The following ASMT variants were observed in gnomAD, a reference collection of about 807,000 sequenced individuals.
ASMT encodes the protein acetylserotonin O-methyltransferase.
ASMT carries 53 observed loss-of-function variants against 41.3 expected under a neutral mutation model. The observed-to-expected ratio is 1.28, with a 90% confidence interval of 1.03 to 1.61. The LOEUF (loss-of-function observed/expected upper bound fraction) is 1.61. Among genes scored for constraint, ASMT ranks in the 40% most tolerant of loss-of-function variants. The probability of loss-of-function intolerance (pLI) is 0.00; values close to 1 mark genes in which losing one functional copy is unlikely to be tolerated. For synonymous variants in ASMT, 231 were observed against 184.8 expected, an observed-to-expected ratio of 1.25 and a Z score of -2.03; for missense variants, 531 against 441.3, an observed-to-expected ratio of 1.20 and a Z score of -1.82.
intron 6 of ASMT, 85 bp from the exon 7 acceptor site, chrX:1,633,065 C>T (rs1425508700): frequency 1.3e-6 from 2 of 1,537,480 alleles, no homozygotes; most frequent in African/African-American, 2.7e-5. Flanking sequence ...TGGGTTGGAC[C>T]CTTCATGAGT....
chrX:1,624,626 C>A (rs1266922284), intron 3 of ASMT, among the ~76,000 whole-genome samples: 1 of 117,048 alleles, frequency 8.5e-6, no homozygotes, highest in Admixed American at 9.1e-5. Flanking sequence ...GTGGTGGCTG[C>A]ACCCAGGCAG....
chrX:1,629,331 G>A (rs1282898787), intron 4 of ASMT, among the ~76,000 whole-genome samples: 2 of 152,052 alleles, frequency 1.3e-5, no homozygotes, highest in Admixed American at 6.6e-5. Flanking sequence ...CTGTGGGGGG[G>A]GAGGAGCAGG....
chrX:1,636,702 G>C (rs1373620290), intron 8 of ASMT, 142 bp downstream of exon 8: 4 of 1,279,192 alleles, frequency 3.1e-6, no homozygotes, highest in South Asian at 1.2e-5. Flanking sequence ...TTTAGATAAC[G>C]ACCTGAAATA....
chrX:1,630,913 A>AT (rs202113145), intron 5 of ASMT, among the ~76,000 whole-genome samples: 2,696 of 136,088 alleles, frequency 0.02, 81 homozygotes, highest in African/African-American at 0.067. Context: ...GTATTTATTT[A>AT]TTTATTTTTT....
At chrX:1,630,836 G>A (rs1445020736) in intron 5 of ASMT, among the ~76,000 whole-genome samples, 1 of 151,876 alleles carries the variant, frequency 6.6e-6, no homozygotes, top group African/African-American at 2.4e-5. Flanking sequence ...GGGATTACAG[G>A]CGCCCGCCAC....
At chrX:1,626,385 C>T (rs1278162265) in intron 3 of ASMT, among the ~76,000 whole-genome samples, 2 of 151,978 alleles carry the variant, frequency 1.3e-5, no homozygotes, top group Non-Finnish European at 2.9e-5. Flanking sequence ...TAGGCATCCA[C>T]CACACCTGGC....
rs1201944720 is a variant in ASMT at position 1,642,932 on chromosome X, T to G, written c.1040T>G (p.Met347Arg). Residue 347 changes from methionine (M) to arginine (R), a missense_variant, in exon 9 of 9, where the codon ATG (methionine) becomes AGG (arginine). Coordinates refer to ENST00000381241, the MANE Select transcript of ASMT (RefSeq NM_001171038.2). ...GQERTPTHYH[M>R]LLSSAGFRDF... ...GAGAGGACCCCCACCCACTACCACA[T>G]GCTCCTCTCTTCTGCTGGCTTCAGA... is the stretch of plus-strand genomic sequence containing the variant. 6.2e-7 allele frequency: 1 copy of G among 1,614,014 alleles called. No individual in the cohort carries two copies. The highest frequency in any genetic ancestry group is 1.1e-5 in the South Asian group (1 of 91,080).
chrX:1,642,307 A>G, intron 8 of ASMT, among the ~76,000 whole-genome samples: 2 of 143,676 alleles, frequency 1.4e-5, no homozygotes, highest in South Asian at 2.2e-4. Flanking sequence ...TGTGAGGTCC[A>G]TACATCCTGA....
intron 8 of ASMT, among the ~76,000 whole-genome samples, chrX:1,636,960 A>G (rs113750243): frequency 3.9e-5 from 3 of 77,390 alleles, no homozygotes; most frequent in Admixed American, 3.6e-4. Context: ...AGGTCCATCC[A>G]TCCTGATGGC....
chrX:1,623,371 G>A (rs1460005698), intron 2 of ASMT, 58 bp downstream of exon 2: 4 of 1,598,050 alleles, frequency 2.5e-6, no homozygotes, highest in South Asian at 1.1e-5. Context: ...TGCAGCCCAC[G>A]TGTTCTGTAA....
intron 4 of ASMT, among the ~76,000 whole-genome samples, chrX:1,629,373 T>C (rs1389733243): frequency 6.6e-6 from 1 of 152,060 alleles, no homozygotes; most frequent in Non-Finnish European, 1.5e-5. Flanking sequence ...CCTGTCCGCC[T>C]CTGTGTCCAC....
At position 1,636,501 on chromosome X, in the gene ASMT, A is replaced by G; in HGVS notation, c.851A>G (p.Asp284Gly). 1.2e-6 allele frequency: 2 copies of G among 1,613,880 alleles called. No homozygotes were observed. The highest frequency in any genetic ancestry group is 1.3e-5 in the African/African-American group (1 of 75,006). The stretch of plus-strand genomic sequence containing the variant: ...TACATCCTGGCCAGGGTCCTCCATG[A>G]CTGGGCAGACGGAAAGTGCTCACAC... ...DLYILARVLH[D>G]WADGKCSHLL... Residue 284 changes from aspartate (D) to glycine (G), a missense_variant, in exon 8 of 9, where the codon GAC becomes GGC. By Grantham distance (94) the Asp-to-Gly change is moderately conservative. Coordinates refer to ENST00000381241, the MANE Select transcript of ASMT (RefSeq NM_001171038.2).
At position 1,635,141 on chromosome X, in the gene ASMT, A is replaced by ATT. The variant is rs762432316; in HGVS notation, c.788-1282_788-1281dup. Among the ~76,000 whole-genome samples the ATT allele has an allele frequency of 4.0e-3, 536 of 134,346 alleles. 2 individuals are homozygous for ATT. The highest frequency in any genetic ancestry group is 0.012 in the African/African-American group (425 of 35,664). The allele number at this position is 134,346 out of a possible 152,430, so 88.1% of individuals were successfully genotyped here. On this transcript the variant is annotated intron_variant, in intron 7 of 8. Transcript: ENST00000381241. Reference sequence around the variant, plus strand: ...AGGCGCCCACCACCACGCCCAGCTAATTTTTTTTTTTTTTTTGTATTTTTG... The same window carrying ATT: ...AGGCGCCCACCACCACGCCCAGCTAATTTTTTTTTTTTTTTTTTGTATTTTTG...
At chrX:1,618,930 T>C (rs1336669748) in intron 1 of ASMT, among the ~76,000 whole-genome samples, 2 of 152,168 alleles carry the variant, frequency 1.3e-5, no homozygotes, top group Admixed American at 6.6e-5. Flanking sequence ...GCAGTCACTT[T>C]AAGGCACATG....
rs1211679596 is a variant in ASMT, at chrX:1,629,853, C to T, written c.476C>T (p.Ala159Val). The T allele has an allele frequency of 6.2e-7, 1 of 1,613,958 alleles. No homozygotes were observed. Among genetic ancestry groups the T allele is most frequent in the South Asian group, 1.1e-5 (1 of 91,080 alleles). Residue 159 changes from alanine to valine, a missense_variant, in exon 5 of 9, where the codon GCT (alanine) becomes GTT (valine). Transcript: ENST00000381241. ...GGCGAGCGGCTACAGTTCATGCAAGCTCTGCAGGAGGTCTGGAGCGTCAAC... is the reference window on the plus strand; with the variant it reads ...GGCGAGCGGCTACAGTTCATGCAAGTTCTGCAGGAGGTCTGGAGCGTCAAC... ...SEGERLQFMQ[A>V]LQEVWSVNGR...
At position 1,636,437 on chromosome X, in the gene ASMT, G is replaced by T. The variant is rs759236319; in HGVS notation, c.788-1G>T. ...CTCGGTGTGCCTGCCCTGTGTTCCA[G>T]GGGATTTCTTCAAAGACCCTCTTCC... is the stretch of plus-strand genomic sequence containing the variant. On this transcript the variant is annotated splice_acceptor_variant, in intron 7 of 8. Transcript: ENST00000381241. LOFTEE classifies it high-confidence loss of function. 8 of 1,613,774 alleles carry T rather than the reference G, an allele frequency of 5.0e-6. No homozygotes were observed. Among genetic ancestry groups the T allele is most frequent in the Non-Finnish European group, 5.1e-6 (6 of 1,179,856 alleles).
rs73620123 is a variant in ASMT at position 1,636,601 on chromosome X, C to T, written c.910+41C>T. 5,162 of 1,613,524 alleles carry T rather than the reference C, an allele frequency of 3.2e-3. 145 individuals carry two copies. The African/African-American group carries it at 0.057, about 18-fold the overall frequency. On this transcript the variant is annotated intron_variant, in intron 8 of 8. Coordinates refer to ENST00000381241, the MANE Select transcript of ASMT (RefSeq NM_001171038.2). ...TGCATTTCAGCGTGTGCTTGTGACA[C>T]GGGGCAGAATTGTACGAGTCACATT...
chrX:1,627,774 A>G lies in ASMT; in HGVS notation c.443+3A>G. ...GAGCTTTTTACGGCCATCTACAGGT[A>G]ACACCCATCACTTTGAAACCAACAA... On this transcript the variant is annotated splice_donor_region_variant and intron_variant, in intron 4 of 8. Transcript: ENST00000381241. The G allele has an allele frequency of 6.2e-7, 1 of 1,613,564 alleles. No individual in the cohort carries two copies. The highest frequency in any genetic ancestry group is 8.5e-7 in the Non-Finnish European group (1 of 1,179,480).
rs780414415 is a variant in ASMT, at chrX:1,623,148, G to A, written c.79G>A (p.Ala27Thr). 7 of 1,612,340 alleles carry A rather than the reference G, an allele frequency of 4.3e-6. No individual in the cohort carries two copies. The highest frequency in any genetic ancestry group is 1.3e-5 in the African/African-American group (1 of 74,858). The change falls in exon 2 of 9, where the codon GCC (alanine) becomes ACC (threonine). Residue 27 changes from alanine (A) to threonine (T), a missense_variant. Physicochemically the swap from Ala to Thr is moderately conservative, Grantham distance 58 (BLOSUM62 0). Coordinates refer to ENST00000381241, the MANE Select transcript of ASMT (RefSeq NM_001171038.2). Reference sequence around the variant, plus strand: ...CCGCTCCTGCTCCAAGGTTCTCTTCGCCGCCTGCGAGCTGGGCGTGTTTGA... The same window carrying A: ...CCGCTCCTGCTCCAAGGTTCTCTTCACCGCCTGCGAGCTGGGCGTGTTTGA... ...NGFMVSQVLF[A>T]ACELGVFDLL... is the part of the protein sequence containing the mutation.
Sources: allele counts gnomAD v4.1 joint callset (sites outside exome capture counted in the v4.1 genomes callset), GRCh38; gene constraint gnomAD v4.1.1; transcripts MANE v1.5; gene names NCBI Gene and HGNC (gene_info 2026-07-23, HGNC 2026-07-21).